Variants in PDE4D observed in about 807,000 individuals in gnomAD.
The protein encoded by PDE4D is 3',5'-cyclic-AMP phosphodiesterase 4D.
Under a neutral mutation model 87.4 loss-of-function variants are expected in PDE4D, and 24 were observed. That is an observed-to-expected ratio of 0.27 (90% CI 0.20 to 0.39). The LOEUF (loss-of-function observed/expected upper bound fraction) is 0.39. PDE4D is among the 10% of genes least tolerant of loss of function. The pLI is 1.00. For missense variants in PDE4D, 714 were observed against 1,041.0 expected, an observed-to-expected ratio of 0.69 and a Z score of 4.32; for synonymous variants, 384 against 383.2, an observed-to-expected ratio of 1.00 and a Z score of -0.02.
intron 1 of PDE4D, among the ~76,000 whole-genome samples, chr5:59,826,255 T>C (rs1770309505): frequency 6.6e-6 from 1 of 152,162 alleles, no homozygotes; most frequent in Non-Finnish European, 1.5e-5. Context: ...TTTCAATAAA[T>C]ACATGAATTT....
chr5:59,332,854 T>C (rs536304503), intron 1 of PDE4D, among the ~76,000 whole-genome samples: 1 of 152,316 alleles, frequency 6.6e-6, no homozygotes, highest in South Asian at 2.1e-4. Context: ...TCTCACTATC[T>C]GTGACACAGA....
At chr5:60,034,866 TGG>T in intron 2 of PDE4D, among the ~76,000 whole-genome samples, 1 of 152,326 alleles carries the variant, frequency 6.6e-6, no homozygotes, top group South Asian at 2.1e-4. Context: ...GCAATCAGCA[TGG>T]GTCAGACACA....
chr5:59,817,564 T>C (rs1282120568), intron 1 of PDE4D, among the ~76,000 whole-genome samples: 3 of 152,244 alleles, frequency 2.0e-5, no homozygotes, highest in African/African-American at 4.8e-5. Context: ...TCAGCTCATA[T>C]GTTCATATGT....
intron 1 of PDE4D, among the ~76,000 whole-genome samples, chr5:59,801,150 CGA>C (rs1767082583): frequency 6.6e-6 from 1 of 152,006 alleles, no homozygotes; most frequent in South Asian, 2.1e-4. Context: ...GAATCAAAGA[CGA>C]GACTGAGAAC....
intron 1 of PDE4D, among the ~76,000 whole-genome samples, chr5:60,408,405 C>T (rs1453626920): frequency 6.6e-6 from 1 of 152,186 alleles, no homozygotes; most frequent in African/African-American, 2.4e-5. Context: ...ACTCTCTGTT[C>T]AAATGAAAAT....
At chr5:59,039,351 A>T in intron 5 of PDE4D, 2 of 1,031,366 alleles carry the variant, frequency 1.9e-6, no homozygotes, top group Non-Finnish European at 2.3e-6. Context: ...GGGGGTGGCG[A>T]GCGCGCTTGG....
At chr5:59,831,053 AC>A (rs1236520898) in intron 1 of PDE4D, among the ~76,000 whole-genome samples, 5 of 152,090 alleles carry the variant, frequency 3.3e-5, no homozygotes, top group African/African-American at 1.2e-4. Context: ...AGGGTTTGTA[AC>A]CTGCTTAAAG....
intron 2 of PDE4D, among the ~76,000 whole-genome samples, chr5:60,015,765 A>G (rs1765444800): frequency 1.3e-5 from 2 of 152,190 alleles, no homozygotes; most frequent in Non-Finnish European, 1.5e-5. Flanking sequence ...TCAAAGGAAG[A>G]GGGAAATCTG....
intron 1 of PDE4D, among the ~76,000 whole-genome samples, chr5:59,820,749 C>T (rs1041257761): frequency 6.6e-6 from 1 of 152,168 alleles, no homozygotes; most frequent in Admixed American, 6.5e-5. Context: ...TAGCGCTCAA[C>T]TCCCAATATA....
chr5:60,506,695 T>G (rs531457723), intron 1 of PDE4D, among the ~76,000 whole-genome samples: 1 of 152,122 alleles, frequency 6.6e-6, no homozygotes, highest in African/African-American at 2.4e-5. Flanking sequence ...GAAATGATAC[T>G]GTGGGAAGAG....
At chr5:59,355,550 G>A (rs1301528477) in intron 1 of PDE4D, among the ~76,000 whole-genome samples, 2 of 152,012 alleles carry the variant, frequency 1.3e-5, no homozygotes, top group East Asian at 1.9e-4. Flanking sequence ...AAAATGCAAA[G>A]CACATAGGAA....
At chr5:59,368,254 C>T (rs1582192435) in intron 1 of PDE4D, among the ~76,000 whole-genome samples, 5 of 152,302 alleles carry the variant, frequency 3.3e-5, no homozygotes, top group East Asian at 3.9e-4. Flanking sequence ...TGTTTGTTCC[C>T]ATGACTTGTG....
At chr5:60,508,473 G>A (rs534594053) in intron 1 of PDE4D, among the ~76,000 whole-genome samples, 1 of 152,204 alleles carries the variant, frequency 6.6e-6, no homozygotes, top group Non-Finnish European at 1.5e-5. Context: ...GAAGAGAATA[G>A]AGCAACTTCC....
chr5:59,686,495 G>A lies in PDE4D; in HGVS notation c.455+206673C>T, dbSNP rs188270518. On this transcript the variant is annotated intron_variant, in intron 1 of 14. Coordinates refer to ENST00000340635, the MANE Select transcript of PDE4D (RefSeq NM_001104631.2). ...TTGCCAAAACCCACTGGGAAATAAA[G>A]ATATATATCATTACCAGTACTTTGT... 5.1e-4 allele frequency among the ~76,000 whole-genome samples: 77 copies of A among 152,094 alleles called. No homozygotes were observed. The East Asian group carries it at 0.01, about 20-fold the overall frequency.
chr5:59,564,329 A>AACTTCTATG (rs1459128560), intron 1 of PDE4D, among the ~76,000 whole-genome samples: 1 of 152,170 alleles, frequency 6.6e-6, no homozygotes, highest in Non-Finnish European at 1.5e-5. Context: ...CCAGAAATAA[A>AACTTCTATG]ACTTCTATGA....
At chr5:60,299,179 G>A (rs73759038) in intron 1 of PDE4D, among the ~76,000 whole-genome samples, 3,393 of 152,242 alleles carry the variant, frequency 0.022, 125 homozygotes, top group African/African-American at 0.077. Flanking sequence ...CTAAAATCAT[G>A]TAATGCTGCT....
At chr5:60,177,398 G>A (rs547474938) in intron 2 of PDE4D, among the ~76,000 whole-genome samples, 1 of 152,148 alleles carries the variant, frequency 6.6e-6, no homozygotes, top group East Asian at 1.9e-4. Context: ...ACATATATGG[G>A]TAAATTAAGA....
At chr5:58,996,492 TAGG>T (rs1749262027) in intron 6 of PDE4D, among the ~76,000 whole-genome samples, 2 of 152,112 alleles carry the variant, frequency 1.3e-5, no homozygotes, top group Admixed American at 6.6e-5. Flanking sequence ...TCATAAAAGA[TAGG>T]AGATGAGGCA....
chr5:59,308,153 T>C lies in PDE4D; in HGVS notation c.456-92185A>G, dbSNP rs867187364. ...GCATGTTCTCACTCATAGGTGGGAA[T>C]TGAACAATGAGAACACATGGACACA... On this transcript the variant is annotated intron_variant, in intron 1 of 14. Transcript: ENST00000340635. 5.8e-3 allele frequency among the ~76,000 whole-genome samples: 877 copies of C among 150,298 alleles called. 16 individuals carry two copies. The highest frequency in any genetic ancestry group is 0.02 in the African/African-American group (826 of 40,750).
Sources: allele counts gnomAD v4.1 joint callset (sites outside exome capture counted in the v4.1 genomes callset), GRCh38; gene constraint gnomAD v4.1.1; transcripts MANE v1.5; gene names NCBI Gene and HGNC (gene_info 2026-07-23, HGNC 2026-07-21).